The following TAF3 variants were observed in gnomAD, a reference collection of about 807,000 sequenced individuals.
TAF3 encodes the protein transcription initiation factor TFIID subunit 3.
A neutral mutation model predicts 80.6 loss-of-function variants in TAF3; 7 were observed. The observed-to-expected ratio is 0.09, with a 90% CI of 0.05 to 0.16. The LOEUF is 0.16. Among genes scored for constraint, TAF3 ranks in the 10% least tolerant of loss-of-function variants. The pLI is 1.00. For missense variants in TAF3, 921 were observed against 1,140.2 expected (o/e 0.81, Z 2.77); for synonymous variants, 444 against 446.1 (o/e 1.00, Z 0.06).
At chr10:7,937,662 C>T (rs1837934202) in intron 2 of TAF3, among the ~76,000 whole-genome samples, 1 of 152,128 alleles carries the variant, frequency 6.6e-6, no homozygotes. Context: ...CAGTTGTGCT[C>T]CATCCTGAAG....
intron 4 of TAF3, among the ~76,000 whole-genome samples, chr10:7,988,668 T>C (rs1831803038): frequency 6.8e-6 from 1 of 146,170 alleles, no homozygotes; most frequent in South Asian, 2.2e-4. Flanking sequence ...GGAGGACCAC[T>C]TGAGCCCAGG....
chr10:8,008,976 C>T (rs1047540626), intron 4 of TAF3, 102 bp from the exon 5 acceptor site: 2 of 1,448,090 alleles, frequency 1.4e-6, no homozygotes, highest in Non-Finnish European at 1.9e-6. Flanking sequence ...TGAAGTATTT[C>T]GCTACTGGAA....
At chr10:7,839,477 G>A (rs1008234995) in intron 2 of TAF3, among the ~76,000 whole-genome samples, 1 of 152,136 alleles carries the variant, frequency 6.6e-6, no homozygotes, top group African/African-American at 2.4e-5. Flanking sequence ...GAATAATGGA[G>A]GAGCAGTCGC....
In TAF3 at chr10:8,009,989, G is replaced by T. The variant is rs940211714; in HGVS notation, c.2568+659G>T. Among the ~76,000 whole-genome samples, 1 of 151,864 alleles carries T rather than the reference G, an allele frequency of 6.6e-6. No individual in the cohort carries two copies. The highest frequency in any genetic ancestry group is 2.4e-5 in the African/African-American group (1 of 41,326). On this transcript the variant is annotated intron_variant, in intron 5 of 6. Transcript: ENST00000344293. This position sits in a 1 kb window ranked among gnomAD's most constrained non-coding sequence, Gnocchi z 4.1. ...TGCAGTGGTACGATCTCGGCTCACT[G>T]CAGCCCCTGCCTCCCAGGCTCAAGC...
chr10:7,994,809 C>CAAAAAAAAAAA (rs34669002), intron 4 of TAF3, among the ~76,000 whole-genome samples: 1,794 of 123,924 alleles, frequency 0.014, 17 homozygotes, highest in African/African-American at 0.029. Context: ...CTAAAAATAC[C>CAAAAAAAAAAA]AAAAAAAAAA....
intron 2 of TAF3, among the ~76,000 whole-genome samples, chr10:7,868,847 A>G (rs1041318692): frequency 2.0e-5 from 3 of 152,152 alleles, no homozygotes; most frequent in African/African-American, 4.8e-5. Context: ...TCACATCACC[A>G]TTTTTCAGAT....
At chr10:7,924,036 C>T (rs994797079) in intron 2 of TAF3, among the ~76,000 whole-genome samples, 1 of 152,084 alleles carries the variant, frequency 6.6e-6, no homozygotes, top group Non-Finnish European at 1.5e-5. Context: ...AGTATTTAGG[C>T]CATCCTTTCA....
intron 2 of TAF3, among the ~76,000 whole-genome samples, chr10:7,919,293 G>T (rs1459556482): frequency 2.0e-5 from 3 of 152,138 alleles, no homozygotes; most frequent in Admixed American, 2.0e-4. Flanking sequence ...CCCCATCTGG[G>T]GCTTGGTCTC....
At chr10:7,951,501 C>T (rs917335494) in intron 2 of TAF3, among the ~76,000 whole-genome samples, 2 of 152,174 alleles carry the variant, frequency 1.3e-5, no homozygotes, top group Non-Finnish European at 2.9e-5. Flanking sequence ...TTCCCAAGAG[C>T]AGCAGGAAGG....
rs546487330 is a variant in TAF3 at position 7,925,933 on chromosome 10, G to A, written c.410-37987G>A. ...GTAATAATCTCTTAAGACTGGTAAGGCCAGGTGCAGTGGCTCATGCCTGTA... is the reference window on the plus strand; with the variant it reads ...GTAATAATCTCTTAAGACTGGTAAGACCAGGTGCAGTGGCTCATGCCTGTA... On this transcript the variant is annotated intron_variant, in intron 2 of 6. Transcript: ENST00000344293. Among the ~76,000 whole-genome samples, 21 of 152,228 alleles carry A rather than the reference G, an allele frequency of 1.4e-4. No homozygotes were observed. In the South Asian group the frequency reaches 4.1e-3, roughly 30 times the overall value.
chr10:7,948,608 G>A (rs913164437), intron 2 of TAF3, among the ~76,000 whole-genome samples: 12 of 152,044 alleles, frequency 7.9e-5, no homozygotes, highest in Admixed American at 2.6e-4. Flanking sequence ...TAGTGTGTTG[G>A]GTGTTTTGAC....
intron 5 of TAF3, 52 bp from the exon 6 acceptor site, chr10:8,013,679 G>GTTTTTT: frequency 6.7e-7 from 1 of 1,494,366 alleles, no homozygotes; most frequent in African/African-American, 1.4e-5. Context: ...GCCTCTTTTT[G>GTTTTTT]TTTTTTTTCC....
intron 2 of TAF3, among the ~76,000 whole-genome samples, chr10:7,957,693 C>A (rs1838149228): frequency 6.6e-6 from 1 of 151,748 alleles, no homozygotes; most frequent in Admixed American, 6.6e-5. Context: ...CGTTTCAGAA[C>A]ACTAAAATAA....
chr10:7,828,673 C>G (rs1836767089), intron 2 of TAF3, among the ~76,000 whole-genome samples: 1 of 150,058 alleles, frequency 6.7e-6, no homozygotes. Context: ...ACAGTGTGGT[C>G]TCTAGATCAC....
At chr10:8,008,963 CGTT>C in intron 4 of TAF3, 112 bp from the exon 5 acceptor site, 1 of 1,400,680 alleles carries the variant, frequency 7.1e-7, no homozygotes, top group Admixed American at 1.8e-5. Flanking sequence ...TGCCTCTAGA[CGTT>C]GAAGTATTTC....
At chr10:7,919,960 T>C (rs10905251) in intron 2 of TAF3, among the ~76,000 whole-genome samples, 83,971 of 151,932 alleles carry the variant, frequency 0.55, 24,503 homozygotes, top group East Asian at 0.71. Context: ...TAATTTAAAA[T>C]TTAGGCTGGG....
intron 2 of TAF3, among the ~76,000 whole-genome samples, chr10:7,906,619 T>C (rs1341810782): frequency 6.6e-6 from 1 of 152,116 alleles, no homozygotes; most frequent in African/African-American, 2.4e-5. Flanking sequence ...AAAGGCTCCT[T>C]ATACTTTTTT....
In TAF3 at chr10:7,964,026, T is replaced by C; in HGVS notation, c.516T>C (p.Asp172=). The stretch of plus-strand genomic sequence containing the variant: ...TGGAGGAGGAAGAAATTATTAATGA[T>C]GAGAATTTCCTGGGCAAGAGACCAC... ...DELEEEEIIN[D]ENFLGKRPLD... Residue 172 remains aspartate (D), a synonymous_variant, in exon 3 of 7, where the codon GAT becomes GAC. Coordinates refer to ENST00000344293, the MANE Select transcript of TAF3 (RefSeq NM_031923.4). The surrounding 1 kb of genome is among the most constrained non-coding windows in gnomAD (Gnocchi z 4.1). 1 of 1,614,096 alleles carries C rather than the reference T, an allele frequency of 6.2e-7. No individual in the cohort carries two copies. Among genetic ancestry groups the C allele is most frequent in the Middle Eastern group, 1.6e-4 (1 of 6,062 alleles).
chr10:7,909,812 T>G (rs117614268), intron 2 of TAF3, among the ~76,000 whole-genome samples: 167 of 152,290 alleles, frequency 1.1e-3, no homozygotes, highest in Non-Finnish European at 1.9e-3. Context: ...GCCTATAACA[T>G]TGAAACCTTT....
Sources: allele counts gnomAD v4.1 joint callset (sites outside exome capture counted in the v4.1 genomes callset), GRCh38; gene constraint gnomAD v4.1.1; non-coding constraint Gnocchi (gnomAD v3.1); transcripts MANE v1.5; gene names NCBI Gene and HGNC (gene_info 2026-07-23, HGNC 2026-07-21).